SAMD7: variants seen among roughly 807,000 people sequenced by gnomAD.
SAMD7 encodes sterile alpha motif domain containing 7.
SAMD7 carries 34 observed loss-of-function variants against 36.7 expected under a neutral mutation model. The ratio of observed to expected loss-of-function variants is 0.93; its 90% CI spans 0.71 to 1.23. The LOEUF is 1.23. Among genes scored for constraint, SAMD7 ranks in the 50% most tolerant of loss-of-function variants. The probability of loss-of-function intolerance (pLI) is 0.00; values close to 1 mark genes in which losing one functional copy is unlikely to be tolerated. For synonymous variants in SAMD7, 188 were observed against 189.7 expected (o/e 0.99, Z 0.07); for missense variants, 570 against 546.6 (o/e 1.04, Z -0.43).
intron 4 of SAMD7, among the ~76,000 whole-genome samples, chr3:169,922,649 G>A (rs1238744567): frequency 1.3e-5 from 2 of 152,096 alleles, no homozygotes; most frequent in Admixed American, 6.6e-5. Context: ...ACAGGTGTGC[G>A]CCACCACACC....
rs73178410 is a variant in SAMD7 at position 169,913,772 on chromosome 3, A to G, written c.-116-1595A>G. ...TACAATTTGTCTACATGTGTCTAAAATAGAAAGGGGTGCCCTGAAAATATG... is the reference window on the plus strand; with the variant it reads ...TACAATTTGTCTACATGTGTCTAAAGTAGAAAGGGGTGCCCTGAAAATATG... On this transcript the variant is annotated intron_variant, in intron 1 of 8. Coordinates refer to ENST00000335556, the MANE Select transcript of SAMD7 (RefSeq NM_001304366.2). Among the ~76,000 whole-genome samples, 132 of 152,318 alleles carry G rather than the reference A, an allele frequency of 8.7e-4. 1 individual carries two copies. Among genetic ancestry groups the G allele is most frequent in the Non-Finnish European group, 1.6e-3 (109 of 68,036 alleles).
intron 7 of SAMD7, among the ~76,000 whole-genome samples, chr3:169,934,452 CA>C (rs1466395457): frequency 9.2e-5 from 14 of 152,154 alleles, no homozygotes; most frequent in Non-Finnish European, 1.6e-4. Context: ...TTCATAAGAA[CA>C]AAAAATCAGA....
rs995141234 is a variant in SAMD7 at position 169,939,146 on chromosome 3, C to A, written c.*640C>A. 6.6e-6 allele frequency: 1 copy of A among 151,942 alleles called. No homozygotes were observed. Among genetic ancestry groups the A allele is most frequent in the Non-Finnish European group, 1.5e-5 (1 of 68,014 alleles). The allele number at this position is 151,942 out of a possible 1,614,324, so 9.4% of individuals were successfully genotyped here. ...GACCAGCTTGGCCAACATGGTGAAA[C>A]CCCGTCTCTACTAAAAATACAAAAA... On this transcript the variant is annotated 3_prime_UTR_variant, in exon 9 of 9. Coordinates refer to ENST00000335556, the MANE Select transcript of SAMD7 (RefSeq NM_001304366.2).
At chr3:169,932,135 G>A (rs991759050) in intron 7 of SAMD7, 17 of 559,964 alleles carry the variant, frequency 3.0e-5, no homozygotes, top group East Asian at 1.6e-4. Flanking sequence ...GCTTTTCACC[G>A]AATGATGACT....
intron 7 of SAMD7, chr3:169,932,935 C>A (rs1576837958): frequency 3.0e-6 from 2 of 668,554 alleles, no homozygotes; most frequent in Non-Finnish European, 5.6e-6. Context: ...TTCTTGATAA[C>A]AACAAAAGCT....
chr3:169,936,540 C>T (rs1713724476), intron 8 of SAMD7, 91 bp downstream of exon 8: 3 of 726,700 alleles, frequency 4.1e-6, no homozygotes, highest in Non-Finnish European at 7.0e-6. Flanking sequence ...ATAAATAATA[C>T]TTATTTAACT....
Position 169,915,446 on chromosome 3 carries a change from C to T in SAMD7, c.-42+5C>T, listed in dbSNP as rs545487038. On this transcript the variant is annotated splice_donor_5th_base_variant and intron_variant, in intron 2 of 8. Coordinates refer to ENST00000335556, the MANE Select transcript of SAMD7 (RefSeq NM_001304366.2). ...TCTCCACGGCTTTTCCTAAAGGTAACATGTAAGAGGAAGAGGTGGTGAGTC... is the reference window on the plus strand; with the variant it reads ...TCTCCACGGCTTTTCCTAAAGGTAATATGTAAGAGGAAGAGGTGGTGAGTC... 1 of 152,170 alleles carries T rather than the reference C, an allele frequency of 6.6e-6. No individual in the cohort carries two copies. Among genetic ancestry groups the T allele is most frequent in the Non-Finnish European group, 1.5e-5 (1 of 68,034 alleles). The allele number at this position is 152,170 out of a possible 1,614,324, so 9.4% of individuals were successfully genotyped here.
intron 7 of SAMD7, among the ~76,000 whole-genome samples, chr3:169,930,578 C>CTTTTTTT (rs772549629): frequency 3.9e-5 from 4 of 101,720 alleles, no homozygotes; most frequent in Non-Finnish European, 5.7e-5. Flanking sequence ...CCTTTCTTTT[C>CTTTTTTT]TTTTTTTTTT....
At position 169,938,317 on chromosome 3, in the gene SAMD7, G is replaced by T. The variant is rs186911150; in HGVS notation, c.1153-1G>T. Reference sequence around the variant, plus strand: ...TTACTATAATTATTTTGTCTTAAAAGGTATCTCAGCATGTGGGAAGTATGT... The same window carrying T: ...TTACTATAATTATTTTGTCTTAAAATGTATCTCAGCATGTGGGAAGTATGT... On this transcript the variant is annotated splice_acceptor_variant, in intron 8 of 8. Coordinates refer to ENST00000335556, the MANE Select transcript of SAMD7 (RefSeq NM_001304366.2). LOFTEE classifies it high-confidence loss of function. The T allele has an allele frequency of 1.9e-6, 3 of 1,587,654 alleles. No homozygotes were observed. The highest frequency in any genetic ancestry group is 3.5e-5 in the Admixed American group (2 of 57,386).
chr3:169,927,587 G>T (rs533009602), intron 6 of SAMD7, among the ~76,000 whole-genome samples: 20 of 151,984 alleles, frequency 1.3e-4, no homozygotes, highest in African/African-American at 4.8e-4. Context: ...GAGCCACCGC[G>T]CCCGGCTTTA....
intron 5 of SAMD7, chr3:169,926,077 CA>C: frequency 5.3e-6 from 2 of 376,428 alleles, no homozygotes; most frequent in Admixed American, 3.7e-5. Context: ...AATTGAGGAC[CA>C]AAAAGCAAAG....
chr3:169,930,226 C>T (rs1327697812), intron 7 of SAMD7, among the ~76,000 whole-genome samples: 1 of 152,204 alleles, frequency 6.6e-6, no homozygotes, highest in Non-Finnish European at 1.5e-5. Flanking sequence ...ACTCTGCTGA[C>T]TCATTATCTC....
rs1438601801 is a variant in SAMD7, at chr3:169,925,064, G to A, written c.218G>A (p.Gly73Asp). The A allele has an allele frequency of 1.9e-6, 3 of 1,603,394 alleles. No individual in the cohort carries two copies. The highest frequency in any genetic ancestry group is 2.3e-5 in the South Asian group (2 of 88,862). Residue 73 changes from glycine (G) to aspartate (D), a missense_variant, in exon 5 of 9, where the codon GGC becomes GAC. Physicochemically the swap from Gly to Asp is moderately conservative, Grantham distance 94. Coordinates refer to ENST00000335556, the MANE Select transcript of SAMD7 (RefSeq NM_001304366.2). ...VLSSRIYPGW[G>D]ILPPESIKAV... ...GGTGGTTTTCTTTTTTAAGGTTGGG[G>A]CATTTTACCACCTGAATCCATAAAG...
At position 169,932,864 on chromosome 3, in the gene SAMD7, A is replaced by C. The variant is rs189016212; in HGVS notation, c.1042-3475A>C. 30 of 620,832 alleles carry C rather than the reference A, an allele frequency of 4.8e-5. No individual in the cohort carries two copies. The East Asian group carries it at 1.1e-3, about 22-fold the overall frequency. 38.5% of individuals were successfully genotyped at this position (620,832 alleles called of 1,614,324 possible). Reference sequence around the variant, plus strand: ...AGCTGTCTTTGATTACCTGATTGACAATGCTGACTGCCATTACTATAAGAA... The same window carrying C: ...AGCTGTCTTTGATTACCTGATTGACCATGCTGACTGCCATTACTATAAGAA... On this transcript the variant is annotated intron_variant, in intron 7 of 8. Transcript: ENST00000335556.
rs745698017 is a variant in SAMD7, at chr3:169,926,629, G to C, written c.367G>C (p.Gly123Arg). 8 of 1,613,792 alleles carry C rather than the reference G, an allele frequency of 5.0e-6. No individual in the cohort carries two copies. The highest frequency in any genetic ancestry group is 6.8e-6 in the Non-Finnish European group (8 of 1,179,914). The change falls in exon 6 of 9, where the codon GGG becomes CGG. Residue 123 changes from glycine to arginine, a missense_variant. Gly to Arg is a moderately radical substitution (Grantham distance 125). Transcript: ENST00000335556. ...KINPKGLAGL[G>R]IPFLYGSSVP... ...TAATCCCAAGGGACTAGCAGGCCTAGGGATACCCTTCCTCTATGGCTCCAG... is the reference window on the plus strand; with the variant it reads ...TAATCCCAAGGGACTAGCAGGCCTACGGATACCCTTCCTCTATGGCTCCAG...
intron 2 of SAMD7, among the ~76,000 whole-genome samples, chr3:169,919,248 T>C (rs1238182357): frequency 6.6e-6 from 1 of 152,206 alleles, no homozygotes; most frequent in African/African-American, 2.4e-5. Flanking sequence ...CCGTATTACC[T>C]GTGAACTCTG....
chr3:169,914,161 A>T (rs1300826458), intron 1 of SAMD7, among the ~76,000 whole-genome samples: 1 of 152,148 alleles, frequency 6.6e-6, no homozygotes, highest in African/African-American at 2.4e-5. Context: ...GTACACTCTG[A>T]TGCAGGATGT....
At chr3:169,913,190 GTTAC>G (rs1339211808) in intron 1 of SAMD7, among the ~76,000 whole-genome samples, 1 of 152,128 alleles carries the variant, frequency 6.6e-6, no homozygotes, top group Non-Finnish European at 1.5e-5. Context: ...AGATACAGCA[GTTAC>G]TTAAAAATTA....
In SAMD7 at chr3:169,921,316, G is replaced by A; in HGVS notation, c.189G>A (p.Val63=). ...TACCAAACACAAATATGGCAAATGT[G>A]TTGTCCAGTCGGATCTACCCAGGTA... The part of the protein sequence containing the change: ...SVLPNTNMAN[V]LSSRIYPGWG... The change falls in exon 4 of 9, where the codon GTG becomes GTA. Residue 63 remains valine, a synonymous_variant. Transcript: ENST00000335556. The A allele has an allele frequency of 6.2e-7, 1 of 1,614,160 alleles. No homozygotes were observed.
Sources: allele counts gnomAD v4.1 joint callset (sites outside exome capture counted in the v4.1 genomes callset), GRCh38; gene constraint gnomAD v4.1.1; transcripts MANE v1.5; gene names NCBI Gene and HGNC (gene_info 2026-07-23, HGNC 2026-07-21).